CHD8: variants seen among roughly 807,000 people sequenced by gnomAD.
CHD8 encodes the protein chromodomain helicase DNA binding protein 8.
A neutral mutation model predicts 279.2 loss-of-function variants in CHD8; 31 were observed. The ratio of observed to expected loss-of-function variants is 0.11; its 90% CI spans 0.08 to 0.15. CHD8 has a LOEUF of 0.15. Ranked by LOEUF, CHD8 falls within the 10% of genes least tolerant of loss-of-function variation. CHD8 has a pLI of 1.00. For missense variants in CHD8, 2,146 were observed against 3,230.5 expected (o/e 0.66, Z 8.14); for synonymous variants, 1,081 against 1,139.6 (o/e 0.95, Z 1.04).
At chr14:21,435,958 A>G (rs1889764889) in intron 1 of CHD8, among the ~76,000 whole-genome samples, 1 of 152,228 alleles carries the variant, frequency 6.6e-6, no homozygotes, top group South Asian at 2.1e-4. Flanking sequence ...GATGGATGAG[A>G]AACACTGCAA....
chr14:21,397,556 T>G, intron 27 of CHD8: 1 of 406,334 alleles, frequency 2.5e-6, no homozygotes, highest in East Asian at 5.6e-5. Context: ...TCAGCTACTG[T>G]AGCTGTACAG....
At chr14:21,423,361 G>C (rs1889139709) in intron 5 of CHD8, among the ~76,000 whole-genome samples, 1 of 152,204 alleles carries the variant, frequency 6.6e-6, no homozygotes, top group Admixed American at 6.5e-5. Flanking sequence ...GAGCACAAGT[G>C]AGAGAAAGCA....
intron 1 of CHD8, among the ~76,000 whole-genome samples, chr14:21,442,636 A>AAGGGGGGAGAGGAGAGGGGAGGAGAGGAG (rs1890003988): frequency 3.2e-5 from 4 of 124,556 alleles, no homozygotes; most frequent in South Asian, 3.1e-4. Context: ...AGAAAAGAGA[A>AAGGGGGGAGAGGAGAGGGGAGGAGAGGAG]AGGGGAGGAG....
chr14:21,445,791 G>T (rs1890102550), intron 1 of CHD8, among the ~76,000 whole-genome samples: 1 of 150,998 alleles, frequency 6.6e-6, no homozygotes, highest in Non-Finnish European at 1.5e-5. Flanking sequence ...CACGAGGTCA[G>T]GAGTTCGAGA....
intron 36 of CHD8, 137 bp downstream of exon 36, chr14:21,391,326 G>T: frequency 1.2e-6 from 1 of 832,494 alleles, no homozygotes; most frequent in Non-Finnish European, 1.8e-6. Context: ...GAGGTTGGAA[G>T]ACTGGGTATT....
intron 1 of CHD8, among the ~76,000 whole-genome samples, chr14:21,437,866 G>T (rs1300686957): frequency 6.6e-6 from 1 of 151,816 alleles, no homozygotes; most frequent in East Asian, 1.9e-4. Context: ...AACAATTCCC[G>T]ACCCTTAGCC....
In CHD8 at chr14:21,394,092, T is replaced by A. The variant is rs1427136468; in HGVS notation, c.5703A>T (p.Leu1901Phe). 2 of 1,613,834 alleles carry A rather than the reference T, an allele frequency of 1.2e-6. No homozygotes were observed. The highest frequency in any genetic ancestry group is 3.3e-5 in the Admixed American group (2 of 59,998). The change falls in exon 32 of 38, where the codon TTA (leucine) becomes TTT (phenylalanine). Residue 1901 changes from leucine (L) to phenylalanine (F), a missense_variant. By Grantham distance (22) the Leu-to-Phe change is conservative (BLOSUM62 0). This residue lies in a region of CHD8 where 513 missense variants were observed against 637.6 expected (regional missense o/e 0.80). Transcript: ENST00000646647. ...ELLRRLREQV[L>F]CHPLLEDRLA... The stretch of plus-strand genomic sequence containing the variant: ...GCCGATCTTCCAAAAGGGGGTGGCA[T>A]AAAACTTGTTCCCGTAAGCGCCGAA...
At chr14:21,420,718 C>G (rs1594366641) in intron 5 of CHD8, among the ~76,000 whole-genome samples, 2 of 151,274 alleles carry the variant, frequency 1.3e-5, no homozygotes, top group Admixed American at 1.3e-4. Context: ...GAAGGGTATA[C>G]AAGAAATTGG....
rs779470673 is a variant in CHD8 at position 21,427,908 on chromosome 14, G to A, written c.1562C>T (p.Thr521Ile). ...LKEEKPKKSKTSGASKTKGKS... is the reference protein window; with the variant it reads ...LKEEKPKKSKISGASKTKGKS... ...GCCCTTTGTTTTGGAGGCACCAGATGTTTTACTCTTCTTTGGCTTCTCCTC... is the reference window on the plus strand; with the variant it reads ...GCCCTTTGTTTTGGAGGCACCAGATATTTTACTCTTCTTTGGCTTCTCCTC... Residue 521 changes from threonine to isoleucine, a missense_variant, in exon 4 of 38, where the codon ACA (threonine) becomes ATA (isoleucine). Coordinates refer to ENST00000646647, the MANE Select transcript of CHD8 (RefSeq NM_001170629.2). 5 of 1,614,062 alleles carry A rather than the reference G, an allele frequency of 3.1e-6. No individual in the cohort carries two copies. In the Admixed American group the frequency reaches 6.7e-5, roughly 22 times the overall value.
intron 5 of CHD8, among the ~76,000 whole-genome samples, chr14:21,424,225 C>T (rs1889193330): frequency 1.3e-5 from 2 of 152,116 alleles, no homozygotes; most frequent in Admixed American, 1.3e-4. Flanking sequence ...CCAGCTTTTC[C>T]TAAATGGTTA....
intron 36 of CHD8, 91 bp from the exon 37 acceptor site, chr14:21,391,154 C>T: frequency 1.2e-6 from 1 of 868,848 alleles, no homozygotes. Context: ...TGATAATAAA[C>T]ACTTATTACA....
chr14:21,450,909 AG>A (rs1158739958), intron 1 of CHD8, among the ~76,000 whole-genome samples: 2 of 152,212 alleles, frequency 1.3e-5, no homozygotes, highest in Non-Finnish European at 2.9e-5. Context: ...CTAACATACA[AG>A]GGAGCAATGA....
intron 1 of CHD8, among the ~76,000 whole-genome samples, chr14:21,451,854 A>C (rs1045108208): frequency 2.6e-5 from 4 of 152,208 alleles, no homozygotes; most frequent in Non-Finnish European, 5.9e-5. Flanking sequence ...CAGCTTAATG[A>C]GAAACGTCAG....
intron 1 of CHD8, among the ~76,000 whole-genome samples, chr14:21,443,772 C>T (rs1281901591): frequency 1.4e-5 from 2 of 143,974 alleles, no homozygotes; most frequent in Non-Finnish European, 3.0e-5. Context: ...AGGAGAATGG[C>T]GTGAACCCGG....
In CHD8 at chr14:21,410,069, A is replaced by C; in HGVS notation, c.2227-81T>G. 4.4e-6 allele frequency: 6 copies of C among 1,374,902 alleles called. No individual in the cohort carries two copies. In the South Asian group the frequency reaches 9.1e-5, roughly 21 times the overall value. 85.2% of individuals were successfully genotyped at this position (1,374,902 alleles called of 1,614,324 possible). A position where few individuals can be genotyped will look rare whatever the true frequency, so the allele number is the denominator to read the frequency against. Reference sequence around the variant, plus strand: ...TTAAAGAATAAAAATTTGATTGTAAAATCAGATCACAAAGTATCAGTACCT... The same window carrying C: ...TTAAAGAATAAAAATTTGATTGTAACATCAGATCACAAAGTATCAGTACCT... On this transcript the variant is annotated intron_variant, in intron 10 of 37. Coordinates refer to ENST00000646647, the MANE Select transcript of CHD8 (RefSeq NM_001170629.2).
intron 21 of CHD8, among the ~76,000 whole-genome samples, 160 bp from the exon 22 acceptor site, chr14:21,401,231 A>C (rs1339422861): frequency 6.6e-6 from 1 of 152,108 alleles, no homozygotes; most frequent in East Asian, 1.9e-4. Flanking sequence ...AAAATTATTC[A>C]GAAAGCAACT....
chr14:21,445,353 C>T (rs1292892308), intron 1 of CHD8, among the ~76,000 whole-genome samples: 2 of 151,368 alleles, frequency 1.3e-5, no homozygotes, highest in Non-Finnish European at 2.9e-5. Flanking sequence ...GGGTGGATCA[C>T]GAGGTCAGGA....
At chr14:21,394,843 G>T in intron 30 of CHD8, 69 bp downstream of exon 30, 1 of 1,487,284 alleles carries the variant, frequency 6.7e-7, no homozygotes, top group Non-Finnish European at 9.3e-7. Flanking sequence ...AATCCTTCCT[G>T]AGATGGCTTT....
Position 21,409,973 on chromosome 14 carries a change from G to A in CHD8, c.2242C>T (p.Leu748=). The A allele has an allele frequency of 6.2e-7, 1 of 1,612,326 alleles. No homozygotes were observed. Among genetic ancestry groups the A allele is most frequent in the Non-Finnish European group, 8.5e-7 (1 of 1,178,964 alleles). Residue 748 remains leucine (L), a synonymous_variant, in exon 11 of 38, where the codon CTG becomes TTG. Transcript: ENST00000646647. ...KDNGEPVIYY[L]VKWCSLPYED... Reference sequence around the variant, plus strand: ...TAGGGCAGAGAGCACCATTTCACCAGGTAGTAAATAACGGGCTAGGAGAGA... The same window carrying A: ...TAGGGCAGAGAGCACCATTTCACCAAGTAGTAAATAACGGGCTAGGAGAGA...
Sources: allele counts gnomAD v4.1 joint callset (sites outside exome capture counted in the v4.1 genomes callset), GRCh38; gene constraint gnomAD v4.1.1; regional missense constraint gnomAD v4.1.1; transcripts MANE v1.5; gene names NCBI Gene and HGNC (gene_info 2026-07-23, HGNC 2026-07-21).